The following MEGF6 variants were observed in gnomAD, a reference collection of about 807,000 sequenced individuals.
MEGF6 encodes the protein multiple epidermal growth factor-like domains protein 6.
MEGF6 carries 184 observed loss-of-function variants against 207.1 expected under a neutral mutation model. The ratio of observed to expected loss-of-function variants is 0.89; its 90% CI spans 0.79 to 1.00. The LOEUF (loss-of-function observed/expected upper bound fraction) is 1.00. Among genes scored for constraint, MEGF6 ranks in the 50% least tolerant of loss-of-function variants. The probability of loss-of-function intolerance (pLI) is 0.00; values close to 1 mark genes in which losing one functional copy is unlikely to be tolerated. For missense variants in MEGF6, 2,282 were observed against 2,202.9 expected (o/e 1.04, Z -0.72); for synonymous variants, 1,038 against 910.0 (o/e 1.14, Z -2.53).
At position 3,509,339 on chromosome 1, in the gene MEGF6, AG is replaced by A. The variant is rs1464124726; in HGVS notation, c.1358-95del. ...TAGGGCTGGGCCTAAGCCCCACCCCAGGGAACCCCACCACCCTCCTACTGCC... is the reference window on the plus strand; with the variant it reads ...TAGGGCTGGGCCTAAGCCCCACCCCAGGAACCCCACCACCCTCCTACTGCC... On this transcript the variant is annotated intron_variant, in intron 11 of 36. Transcript: ENST00000356575. 4 of 1,159,616 alleles carry A rather than the reference AG, an allele frequency of 3.4e-6. No homozygotes were observed. The African/African-American group carries it at 6.5e-5, about 19-fold the overall frequency. 71.8% of individuals were successfully genotyped at this position (1,159,616 alleles called of 1,614,324 possible).
At chr1:3,558,330 T>G (rs1643095383) in intron 4 of MEGF6, among the ~76,000 whole-genome samples, 1 of 152,170 alleles carries the variant, frequency 6.6e-6, no homozygotes, top group Non-Finnish European at 1.5e-5. Context: ...CCTTTCTAAT[T>G]TTCTTCTAAA....
At chr1:3,595,251 C>T (rs1004720739) in intron 3 of MEGF6, 87 bp downstream of exon 3, 3 of 913,598 alleles carry the variant, frequency 3.3e-6, no homozygotes, top group East Asian at 5.0e-5. Flanking sequence ...AGGGCGATCC[C>T]CACCAGGCCC....
chr1:3,619,586 G>T, the MEGF6 span, among the ~76,000 whole-genome samples: 1 of 147,368 alleles, frequency 6.8e-6, no homozygotes, highest in African/African-American at 2.5e-5. Flanking sequence ...GAGATCTGAT[G>T]GTTTAAATGT....
At chr1:3,533,677 G>T (rs1267263307) in intron 4 of MEGF6, among the ~76,000 whole-genome samples, 1 of 152,164 alleles carries the variant, frequency 6.6e-6, no homozygotes, top group Non-Finnish European at 1.5e-5. Flanking sequence ...CGGCCACCCT[G>T]CGAGCGAGCT....
At chr1:3,537,741 A>AGGGG (rs1642378747) in intron 4 of MEGF6, among the ~76,000 whole-genome samples, 1 of 152,194 alleles carries the variant, frequency 6.6e-6, no homozygotes, top group African/African-American at 2.4e-5. Context: ...GGGCACACGC[A>AGGGG]TTGGTAAGGG....
At chr1:3,514,865 G>A (rs369460437) in intron 6 of MEGF6, among the ~76,000 whole-genome samples, 193 bp from the exon 7 acceptor site, 2 of 152,202 alleles carry the variant, frequency 1.3e-5, no homozygotes, top group East Asian at 3.9e-4. Flanking sequence ...AGACTCTGCA[G>A]TCTCAGGACG....
Position 3,492,893 on chromosome 1 carries a change from C to A in MEGF6, c.4388-126G>T. 2 of 1,370,526 alleles carry A rather than the reference C, an allele frequency of 1.5e-6. 1 individual carries two copies. The highest frequency in any genetic ancestry group is 2.8e-5 in the South Asian group (2 of 72,586). 84.9% of individuals were successfully genotyped at this position (1,370,526 alleles called of 1,614,324 possible). A position where few individuals can be genotyped will look rare whatever the true frequency, so the allele number is the denominator to read the frequency against. Reference sequence around the variant, plus strand: ...GTGAAGCCTTCTGCCTGGGTGTGTGCGGGAGCTAAGACCTTGGGCCTCGGT... The same window carrying A: ...GTGAAGCCTTCTGCCTGGGTGTGTGAGGGAGCTAAGACCTTGGGCCTCGGT... On this transcript the variant is annotated intron_variant, in intron 34 of 36. Transcript: ENST00000356575.
intron 3 of MEGF6, 97 bp from the exon 4 acceptor site, chr1:3,580,026 C>G (rs755669743): frequency 1.3e-4 from 104 of 806,644 alleles, no homozygotes; most frequent in Non-Finnish European, 1.8e-4. Flanking sequence ...GCCCACCCAG[C>G]CTGCCAGGTC....
At chr1:3,595,111 T>C (rs2101843998) in intron 3 of MEGF6, among the ~76,000 whole-genome samples, 1 of 151,784 alleles carries the variant, frequency 6.6e-6, no homozygotes, top group South Asian at 2.1e-4. Context: ...GCCAGCAAAG[T>C]GGACTGACCC....
Position 3,565,393 on chromosome 1 carries a change from T to C in MEGF6, c.481+14432A>G, listed in dbSNP as rs1389837176. ...ACCCCCCGGGTCCTGGTGCCTGCTC[T>C]GGCCTCTCAAGGCCACCAGGGGGTG... On this transcript the variant is annotated intron_variant, in intron 4 of 36. Transcript: ENST00000356575. This position sits in a 1 kb window ranked among gnomAD's most constrained non-coding sequence, Gnocchi z 4.8. Among the ~76,000 whole-genome samples the C allele has an allele frequency of 6.6e-6, 1 of 152,094 alleles. No individual in the cohort carries two copies. The highest frequency in any genetic ancestry group is 6.5e-5 in the Admixed American group (1 of 15,288).
At chr1:3,544,855 T>C (rs1353625663) in intron 4 of MEGF6, among the ~76,000 whole-genome samples, 3 of 151,944 alleles carry the variant, frequency 2.0e-5, no homozygotes, top group Non-Finnish European at 4.4e-5. Flanking sequence ...GAGGAGCCCA[T>C]CTGGAGCTGG....
At chr1:3,515,963 G>A (rs1409662126) in intron 5 of MEGF6, among the ~76,000 whole-genome samples, 1 of 152,226 alleles carries the variant, frequency 6.6e-6, no homozygotes, top group African/African-American at 2.4e-5. Flanking sequence ...CTGAGACCCA[G>A]GCATCTCACC....
intron 4 of MEGF6, among the ~76,000 whole-genome samples, chr1:3,562,085 G>C (rs1643219120): frequency 6.6e-6 from 1 of 152,206 alleles, no homozygotes; most frequent in African/African-American, 2.4e-5. Context: ...TAGGGGGCTG[G>C]TGTGGGCGAG....
rs1643559648 is a variant in MEGF6, at chr1:3,573,268, C to A, written c.481+6557G>T. ...CTGGGTCCTCCCAGGTGTGCTGGGT[C>A]CCCCCGCCAGGTAACCCCTAGTCCT... On this transcript the variant is annotated intron_variant, in intron 4 of 36. Coordinates refer to ENST00000356575, the MANE Select transcript of MEGF6 (RefSeq NM_001409.4). The surrounding 1 kb of genome is among the most constrained non-coding windows in gnomAD (Gnocchi z 5.1). Among the ~76,000 whole-genome samples, 1 of 152,134 alleles carries A rather than the reference C, an allele frequency of 6.6e-6. No homozygotes were observed. Among genetic ancestry groups the A allele is most frequent in the Non-Finnish European group, 1.5e-5 (1 of 67,998 alleles).
chr1:3,493,729 G>C lies in MEGF6; in HGVS notation c.4387+42C>G, dbSNP rs546710167. On this transcript the variant is annotated intron_variant, in intron 34 of 36. Coordinates refer to ENST00000356575, the MANE Select transcript of MEGF6 (RefSeq NM_001409.4). Reference sequence around the variant, plus strand: ...CCAATCAATATTGGTCACTGATGGAGACCCACACCCACGCCCTTCCTGGGC... The same window carrying C: ...CCAATCAATATTGGTCACTGATGGACACCCACACCCACGCCCTTCCTGGGC... 1.4e-5 allele frequency: 23 copies of C among 1,599,096 alleles called. No homozygotes were observed. The South Asian group carries it at 2.3e-4, about 16-fold the overall frequency.
Position 3,493,854 on chromosome 1 carries a change from T to G in MEGF6, c.4304A>C (p.Asp1435Ala). 6.2e-7 allele frequency: 1 copy of G among 1,600,826 alleles called. No homozygotes were observed. Among genetic ancestry groups the G allele is most frequent in the Admixed American group, 1.7e-5 (1 of 58,084 alleles). Residue 1435 changes from aspartate to alanine, a missense_variant, in exon 34 of 37, where the codon GAC becomes GCC. Asp to Ala is a moderately radical substitution (Grantham distance 126). Transcript: ENST00000356575. ...SFGEGCHQRC[D>A]CDGGAPCDPV... ...GTCACAGGGTGCCCCCCCGTCACAGTCACAGCGCTGGTGGCAGCCCTCTCC... is the reference window on the plus strand; with the variant it reads ...GTCACAGGGTGCCCCCCCGTCACAGGCACAGCGCTGGTGGCAGCCCTCTCC...
intron 1 of MEGF6, among the ~76,000 whole-genome samples, chr1:3,605,274 CCA>C (rs537191638): frequency 6.6e-6 from 1 of 151,610 alleles, no homozygotes; most frequent in Admixed American, 6.6e-5. Context: ...ACTCTCACAC[CCA>C]CACAATCACA....
At chr1:3,601,178 G>A (rs976691485) in intron 2 of MEGF6, among the ~76,000 whole-genome samples, 2 of 152,208 alleles carry the variant, frequency 1.3e-5, no homozygotes, top group East Asian at 3.8e-4. Context: ...CCCCCATAGC[G>A]AGGGGACTTC....
At chr1:3,509,673 G>A (rs986584548) in intron 11 of MEGF6, among the ~76,000 whole-genome samples, 197 bp downstream of exon 11, 5 of 151,990 alleles carry the variant, frequency 3.3e-5, no homozygotes, top group African/African-American at 9.7e-5. Context: ...ACCCCCACAC[G>A]GCCCTCAGAA....
Sources: gnomAD v4.1 joint callset for allele counts (sites outside exome capture counted in the v4.1 genomes callset) on GRCh38, gnomAD v4.1.1 for gene constraint, Gnocchi (gnomAD v3.1) non-coding constraint, MANE v1.5 for transcripts, NCBI Gene and HGNC (gene_info 2026-07-23, HGNC 2026-07-21) for gene names.